Variants in EIF2AK3 observed in about 807,000 individuals in gnomAD.
EIF2AK3 encodes eukaryotic translation initiation factor 2 alpha kinase 3.
Under a neutral mutation model 113.5 loss-of-function variants are expected in EIF2AK3, and 50 were observed. That is an observed-to-expected ratio of 0.44 (90% CI 0.35 to 0.56). The LOEUF (loss-of-function observed/expected upper bound fraction) is 0.56. Among genes scored for constraint, EIF2AK3 ranks in the 20% least tolerant of loss-of-function variants. The probability of loss-of-function intolerance (pLI) is 0.00; values close to 1 mark genes in which losing one functional copy is unlikely to be tolerated. For missense variants in EIF2AK3, 1,185 were observed against 1,378.0 expected, an observed-to-expected ratio of 0.86 and a Z score of 2.22; for synonymous variants, 448 against 495.4, an observed-to-expected ratio of 0.90 and a Z score of 1.27.
At position 88,593,387 on chromosome 2, in the gene EIF2AK3, C is replaced by T. The variant is rs1054960475; in HGVS notation, c.652G>A (p.Ala218Thr). 3.1e-6 allele frequency: 5 copies of T among 1,613,892 alleles called. No individual in the cohort carries two copies. Among genetic ancestry groups the T allele is most frequent in the Non-Finnish European group, 3.4e-6 (4 of 1,179,952 alleles). The change falls in exon 4 of 17, where the codon GCT (alanine) becomes ACT (threonine). Residue 218 changes from alanine (A) to threonine (T), a missense_variant. Transcript: ENST00000303236. ...CTATCCCATTGGCGACAACCCAGAG[C>T]TGAACAGATATACCTCACCTGAAAA... ...YSGKVRYICS[A>T]LGCRQWDSDE... is the part of the protein sequence containing the mutation.
intron 1 of EIF2AK3, among the ~76,000 whole-genome samples, chr2:88,626,253 C>T (rs761611725): frequency 2.6e-5 from 4 of 152,158 alleles, no homozygotes; most frequent in Non-Finnish European, 4.4e-5. Flanking sequence ...ATACAGTAAA[C>T]CCCTTATTCA....
intron 1 of EIF2AK3, among the ~76,000 whole-genome samples, chr2:88,621,071 CATT>C (rs1392864930): frequency 3.3e-5 from 5 of 152,228 alleles, no homozygotes; most frequent in Admixed American, 6.5e-5. Flanking sequence ...GTTTTTAACT[CATT>C]ATTCTGTTAA....
At chr2:88,601,920 C>T (rs1443617652) in intron 2 of EIF2AK3, among the ~76,000 whole-genome samples, 2 of 136,728 alleles carry the variant, frequency 1.5e-5, no homozygotes, top group East Asian at 2.3e-4. Context: ...GGCGCAATCT[C>T]GGCTCACTGC....
chr2:88,561,541 G>A (rs560767633), intron 15 of EIF2AK3, among the ~76,000 whole-genome samples: 6 of 151,942 alleles, frequency 3.9e-5, no homozygotes, highest in South Asian at 4.2e-4. Flanking sequence ...GATTACAGGC[G>A]TGAGCCACTG....
intron 8 of EIF2AK3, 91 bp downstream of exon 8, chr2:88,587,891 T>C (rs952123974): frequency 2.9e-5 from 25 of 876,914 alleles, no homozygotes; most frequent in Admixed American, 2.6e-4. Context: ...AGATGTTTTA[T>C]TGTCTATACT....
At chr2:88,605,135 T>G (rs891781076) in intron 2 of EIF2AK3, among the ~76,000 whole-genome samples, 1 of 152,198 alleles carries the variant, frequency 6.6e-6, no homozygotes, top group African/African-American at 2.4e-5. Flanking sequence ...GCTGCTTACT[T>G]TGAACTTCTA....
intron 9 of EIF2AK3, among the ~76,000 whole-genome samples, chr2:88,585,528 A>G (rs1204435191): frequency 6.6e-6 from 1 of 152,138 alleles, no homozygotes; most frequent in African/African-American, 2.4e-5. Flanking sequence ...GAATACCAAC[A>G]ATACTGAGAG....
rs752870446 is a variant in EIF2AK3, at chr2:88,557,737, T to G, written c.3350A>C (p.Ter1117SerextTer2). 10 of 1,614,036 alleles carry G rather than the reference T, an allele frequency of 6.2e-6. No individual in the cohort carries two copies. In the African/African-American group the frequency reaches 1.1e-4, roughly 17 times the overall value. ...TAGGGTTGCTAGCACAACTTAAGGCTAATTGCTTGGCAAAGGGCTATGGGA... is the reference window on the plus strand; with the variant it reads ...TAGGGTTGCTAGCACAACTTAAGGCGAATTGCTTGGCAAAGGGCTATGGGA... ...NNSHSPLPSN* is the reference protein window; with the variant it reads ...NNSHSPLPSNS Residue 1117 changes from the stop codon to serine, a stop_lost, in exon 17 of 17, where the codon TAG (stop) becomes TCG (serine). Coordinates refer to ENST00000303236, the MANE Select transcript of EIF2AK3 (RefSeq NM_004836.7).
chr2:88,557,826 C>T lies in EIF2AK3; in HGVS notation c.3261G>A (p.Val1087=). 1 of 1,614,152 alleles carries T rather than the reference C, an allele frequency of 6.2e-7. No individual in the cohort carries two copies. The highest frequency in any genetic ancestry group is 8.5e-7 in the Non-Finnish European group (1 of 1,180,008). Residue 1087 remains valine (V), a synonymous_variant, in exon 17 of 17, where the codon GTG becomes GTA. Coordinates refer to ENST00000303236, the MANE Select transcript of EIF2AK3 (RefSeq NM_004836.7). ...FEDLDFPGKT[V]LRQRSRSLSS... is the part of the protein sequence containing the mutation. ...TCAAGGAGCGAGACCTCTGTCTGAG[C>T]ACTGTTTTTCCTGGAAAGTCCAAGT...
In EIF2AK3 at chr2:88,557,815, C is replaced by G; in HGVS notation, c.3272G>C (p.Arg1091Thr). 1 of 1,614,142 alleles carries G rather than the reference C, an allele frequency of 6.2e-7. No individual in the cohort carries two copies. Among genetic ancestry groups the G allele is most frequent in the Non-Finnish European group, 8.5e-7 (1 of 1,180,006 alleles). ...TCCCGATGAACTCAAGGAGCGAGAC[C>G]TCTGTCTGAGCACTGTTTTTCCTGG... ...DFPGKTVLRQ[R>T]SRSLSSSGTK... The change falls in exon 17 of 17, where the codon AGG becomes ACG. Residue 1091 changes from arginine (R) to threonine (T), a missense_variant. Physicochemically the swap from Arg to Thr is moderately conservative, Grantham distance 71. Transcript: ENST00000303236.
rs1302485427 is a variant in EIF2AK3 at position 88,556,902 on chromosome 2, C to CA, written c.*833dup. 2 of 152,030 alleles carry CA rather than the reference C, an allele frequency of 1.3e-5. No homozygotes were observed. The highest frequency in any genetic ancestry group is 1.3e-4 in the Admixed American group (2 of 15,264). The allele number at this position is 152,030 out of a possible 1,614,324, so 9.4% of individuals were successfully genotyped here. A position where few individuals can be genotyped will look rare whatever the true frequency, so the allele number is the denominator to read the frequency against. On this transcript the variant is annotated 3_prime_UTR_variant, in exon 17 of 17. Coordinates refer to ENST00000303236, the MANE Select transcript of EIF2AK3 (RefSeq NM_004836.7). ...ACAGTGAAAAATAAAAACATGTTAG[C>CA]AAGTGAGATGATTAAACTGTTACCT...
At chr2:88,608,460 G>A (rs1449688170) in intron 2 of EIF2AK3, among the ~76,000 whole-genome samples, 1 of 152,118 alleles carries the variant, frequency 6.6e-6, no homozygotes, top group African/African-American at 2.4e-5. Flanking sequence ...TTACCTGGGA[G>A]GTGACACCTG....
chr2:88,594,685 TCA>T (rs1674969386), intron 3 of EIF2AK3, among the ~76,000 whole-genome samples: 1 of 152,190 alleles, frequency 6.6e-6, no homozygotes, highest in East Asian at 1.9e-4. Context: ...TTTTAAAGTC[TCA>T]GTTTCTTCAT....
intron 13 of EIF2AK3, among the ~76,000 whole-genome samples, chr2:88,573,126 G>C (rs1018085121): frequency 8.2e-6 from 1 of 122,564 alleles, no homozygotes; most frequent in Admixed American, 7.9e-5. Flanking sequence ...TTTTTTTTTT[G>C]GTTGGGGGTG....
chr2:88,583,084 T>A (rs1054136496), intron 10 of EIF2AK3, among the ~76,000 whole-genome samples: 6 of 152,140 alleles, frequency 3.9e-5, no homozygotes, highest in African/African-American at 1.4e-4. Context: ...TGAAAATAAA[T>A]GAGGATTCCG....
intron 4 of EIF2AK3, 57 bp from the exon 5 acceptor site, chr2:88,591,109 A>T (rs1674879010): frequency 6.9e-7 from 1 of 1,452,664 alleles, no homozygotes; most frequent in Non-Finnish European, 9.7e-7. Context: ...GGACAAAATA[A>T]TATAGAACTC....
chr2:88,571,089 G>A (rs746187005), intron 13 of EIF2AK3, 48 bp from the exon 14 acceptor site: 17 of 1,589,012 alleles, frequency 1.1e-5, no homozygotes, highest in Admixed American at 3.3e-5. Flanking sequence ...GCATGGAGGC[G>A]AAAAAGTAAA....
At position 88,627,255 on chromosome 2, in the gene EIF2AK3, G is replaced by C. The variant is rs1038519173; in HGVS notation, c.20C>G (p.Pro7Arg). The stretch of plus-strand genomic sequence containing the variant: ...CAGCAGCGCCCGTACCAGCAGCCCC[G>C]GGCTGATGGCGCGCTCCATCAGCGT... MERAIS[P>R]GLLVRALLLL... Residue 7 changes from proline (P) to arginine (R), a missense_variant, in exon 1 of 17, where the codon CCG becomes CGG. Physicochemically the swap from Pro to Arg is moderately radical, Grantham distance 103. Coordinates refer to ENST00000303236, the MANE Select transcript of EIF2AK3 (RefSeq NM_004836.7). 1 of 1,485,330 alleles carries C rather than the reference G, an allele frequency of 6.7e-7. No individual in the cohort carries two copies. Among genetic ancestry groups the C allele is most frequent in the African/African-American group, 1.5e-5 (1 of 68,732 alleles). The allele number at this position is 1,485,330 out of a possible 1,614,324, so 92.0% of individuals were successfully genotyped here.
Position 88,595,585 on chromosome 2 carries a change from T to C in EIF2AK3, c.517A>G (p.Thr173Ala). 1 of 1,613,988 alleles carries C rather than the reference T, an allele frequency of 6.2e-7. No individual in the cohort carries two copies. The highest frequency in any genetic ancestry group is 1.1e-5 in the South Asian group (1 of 91,068). Residue 173 changes from threonine to alanine, a missense_variant, in exon 3 of 17, where the codon ACA becomes GCA. Coordinates refer to ENST00000303236, the MANE Select transcript of EIF2AK3 (RefSeq NM_004836.7). Reference protein sequence around the residue: ...QWDQDRESMETVPFTVESLLE... With the variant: ...QWDQDRESMEAVPFTVESLLE... The stretch of plus-strand genomic sequence containing the variant: ...AGTGATTCAACTGTGAAAGGAACTG[T>C]TTCCATGCTTTCACGGTCTTGGTCC...
Sources: allele counts gnomAD v4.1 joint callset (sites outside exome capture counted in the v4.1 genomes callset), GRCh38; gene constraint gnomAD v4.1.1; transcripts MANE v1.5; gene names NCBI Gene and HGNC (gene_info 2026-07-23, HGNC 2026-07-21).